Variants in TBL1XR1 observed in about 807,000 individuals in gnomAD.
TBL1XR1 encodes the protein F-box-like/WD repeat-containing protein TBL1XR1.
A neutral mutation model predicts 66.9 loss-of-function variants in TBL1XR1; 5 were observed. The ratio of observed to expected loss-of-function variants is 0.07; its 90% confidence interval spans 0.04 to 0.16. The LOEUF (loss-of-function observed/expected upper bound fraction) is 0.16. Ranked by LOEUF, TBL1XR1 falls within the 10% of genes least tolerant of loss-of-function variation. The probability of loss-of-function intolerance (pLI) is 1.00; values close to 1 mark genes in which losing one functional copy is unlikely to be tolerated. For synonymous variants in TBL1XR1, 210 were observed against 206.0 expected, an observed-to-expected ratio of 1.02 and a Z score of -0.17; for missense variants, 238 against 623.2, an observed-to-expected ratio of 0.38 and a Z score of 6.58.
chr3:177,097,783 C>T (rs530662311), intron 2 of TBL1XR1, among the ~76,000 whole-genome samples: 1 of 152,208 alleles, frequency 6.6e-6, no homozygotes, highest in Non-Finnish European at 1.5e-5. Flanking sequence ...CAAAATGCCA[C>T]TGTTGCATTT....
intron 7 of TBL1XR1, 58 bp downstream of exon 7, chr3:177,049,939 G>C (rs945431125): frequency 2.2e-4 from 342 of 1,572,294 alleles, no homozygotes; most frequent in Non-Finnish European, 1.2e-4. Context: ...GTGAGTATGA[G>C]GCTCTGAGGG....
chr3:177,101,153 A>G (rs1424948409), intron 1 of TBL1XR1, among the ~76,000 whole-genome samples: 4 of 144,546 alleles, frequency 2.8e-5, no homozygotes, highest in South Asian at 2.3e-4. Context: ...CACCATGCCC[A>G]GCCATGACAA....
intron 4 of TBL1XR1, among the ~76,000 whole-genome samples, chr3:177,052,047 T>C (rs1717161575): frequency 6.6e-6 from 1 of 152,204 alleles, no homozygotes; most frequent in African/African-American, 2.4e-5. Context: ...GAAATTCTGT[T>C]AGTCAAAGCA....
upstream of TBL1XR1, among the ~76,000 whole-genome samples, chr3:177,201,434 A>C (rs960526767): frequency 1.3e-5 from 2 of 151,808 alleles, no homozygotes; most frequent in Non-Finnish European, 2.9e-5. Flanking sequence ...AAAAAAAAAA[A>C]AACAAATCCT....
At chr3:177,197,007 T>A (rs987870968) in intron 1 of TBL1XR1, 114 bp downstream of exon 1, 4 of 149,956 alleles carry the variant, frequency 2.7e-5, no homozygotes, top group Non-Finnish European at 4.4e-5. Context: ...GAAAAATGCA[T>A]GTTCCACTCG....
chr3:177,064,105 C>T (rs1305183324), intron 3 of TBL1XR1, among the ~76,000 whole-genome samples: 5 of 152,150 alleles, frequency 3.3e-5, no homozygotes, highest in South Asian at 2.1e-4. Flanking sequence ...ACTTGACTAC[C>T]AAAATTATCT....
At chr3:177,158,660 G>A (rs1234820837) in intron 1 of TBL1XR1, among the ~76,000 whole-genome samples, 2 of 152,098 alleles carry the variant, frequency 1.3e-5, no homozygotes, top group Non-Finnish European at 1.5e-5. Flanking sequence ...AGACATTTCA[G>A]CAGCAGTAAC....
intron 1 of TBL1XR1, among the ~76,000 whole-genome samples, chr3:177,162,905 C>A (rs1381079897): frequency 1.3e-5 from 2 of 152,198 alleles, no homozygotes; most frequent in Admixed American, 6.5e-5. Flanking sequence ...TTTGGTAACA[C>A]TATGTTGGCA....
chr3:177,144,834 T>C (rs1378682910), intron 1 of TBL1XR1, among the ~76,000 whole-genome samples: 1 of 152,246 alleles, frequency 6.6e-6, no homozygotes, highest in Non-Finnish European at 1.5e-5. Flanking sequence ...AATAAAACTT[T>C]ACACATGAAA....
In TBL1XR1 at chr3:177,050,579, C is replaced by T. The variant is rs751021639; in HGVS notation, c.459G>A (p.Gly153=). ...NNHTDMMEVD[G]DVEIPPNKAV... is the part of the protein sequence containing the mutation. ...CTTTATTAGGAGGGATTTCAACATCCCCATCCACTTCCATCATATCAGTAT... is the reference window on the plus strand; with the variant it reads ...CTTTATTAGGAGGGATTTCAACATCTCCATCCACTTCCATCATATCAGTAT... The change falls in exon 6 of 16, where the codon GGG becomes GGA. Residue 153 remains glycine (G), a synonymous_variant. Transcript: ENST00000457928. The T allele has an allele frequency of 4.3e-6, 7 of 1,613,786 alleles. No individual in the cohort carries two copies. Among genetic ancestry groups the T allele is most frequent in the Non-Finnish European group, 5.9e-6 (7 of 1,179,792 alleles).
intron 1 of TBL1XR1, among the ~76,000 whole-genome samples, chr3:177,145,543 A>G (rs1466842315): frequency 6.6e-6 from 1 of 152,226 alleles, no homozygotes; most frequent in Non-Finnish European, 1.5e-5. Context: ...CTCTATAATT[A>G]CATCACAAGT....
At position 177,021,467 on chromosome 3, in the gene TBL1XR1, CTGATA is replaced by C. The variant is rs1351800274; in HGVS notation, c.*4026_*4030del. The C allele has an allele frequency of 1.3e-5, 2 of 152,460 alleles. No individual in the cohort carries two copies. Among genetic ancestry groups the C allele is most frequent in the South Asian group, 2.1e-4 (1 of 4,836 alleles). 9.4% of individuals were successfully genotyped at this position (152,460 alleles called of 1,614,324 possible). Reference sequence around the variant, plus strand: ...GCAAGCTATCAATACCTCAGAACTACTGATATAAGACATCAAATTTCTAAATCAGT... The same window carrying C: ...GCAAGCTATCAATACCTCAGAACTACTAAGACATCAAATTTCTAAATCAGT... On this transcript the variant is annotated 3_prime_UTR_variant, in exon 16 of 16. Transcript: ENST00000457928.
At chr3:177,176,316 C>G (rs1734145716) in intron 1 of TBL1XR1, among the ~76,000 whole-genome samples, 2 of 150,978 alleles carry the variant, frequency 1.3e-5, no homozygotes, top group Admixed American at 1.3e-4. Flanking sequence ...CCTGCCTCAG[C>G]CTCCCGAGTA....
At position 177,038,265 on chromosome 3, in the gene TBL1XR1, A is replaced by G. The variant is rs750681955; in HGVS notation, c.1047+48T>C. ...ACATACTTTAAAACTATTCTGAAAC[A>G]TTACTTGTTAATCATGACCACTTTA... On this transcript the variant is annotated intron_variant, in intron 11 of 15. Transcript: ENST00000457928. 4 of 1,594,524 alleles carry G rather than the reference A, an allele frequency of 2.5e-6. No homozygotes were observed. In the East Asian group the frequency reaches 6.7e-5, roughly 27 times the overall value.
At chr3:177,181,260 G>A (rs952481581) in intron 1 of TBL1XR1, among the ~76,000 whole-genome samples, 2 of 151,932 alleles carry the variant, frequency 1.3e-5, no homozygotes, top group African/African-American at 2.4e-5. Flanking sequence ...TGGGTGGATC[G>A]CTTGAGGCCA....
intron 1 of TBL1XR1, among the ~76,000 whole-genome samples, chr3:177,147,238 G>C (rs745613432): frequency 6.6e-6 from 1 of 151,896 alleles, no homozygotes; most frequent in African/African-American, 2.4e-5. Context: ...TTATAGAGAC[G>C]AGGTCTCCCT....
chr3:177,111,482 T>C (rs1725559241), intron 1 of TBL1XR1, among the ~76,000 whole-genome samples: 1 of 152,014 alleles, frequency 6.6e-6, no homozygotes, highest in Non-Finnish European at 1.5e-5. Context: ...GGAGGATCGG[T>C]TGAGCCTGGG....
At chr3:177,058,349 ATCTTTGT>A (rs1405016515) in intron 3 of TBL1XR1, among the ~76,000 whole-genome samples, 1 of 152,162 alleles carries the variant, frequency 6.6e-6, no homozygotes, top group Non-Finnish European at 1.5e-5. Flanking sequence ...GACACAGGGG[ATCTTTGT>A]TATTGAAGAG....
chr3:177,026,607 G>A (rs989718843), intron 14 of TBL1XR1, 133 bp from the exon 15 acceptor site: 1 of 626,864 alleles, frequency 1.6e-6, no homozygotes, highest in African/African-American at 1.9e-5. Flanking sequence ...ATAAAAATAA[G>A]TTCTGAAATT....
Sources: gnomAD v4.1 joint callset for allele counts (sites outside exome capture counted in the v4.1 genomes callset) on GRCh38, gnomAD v4.1.1 for gene constraint, MANE v1.5 for transcripts, NCBI Gene and HGNC (gene_info 2026-07-23, HGNC 2026-07-21) for gene names.